Variants in TSHZ3 observed in about 807,000 individuals in gnomAD.
TSHZ3 encodes the protein teashirt zinc finger homeobox 3, also known as teashirt homolog 3.
Under a neutral mutation model 64.5 loss-of-function variants are expected in TSHZ3, and 10 were observed. That is an observed-to-expected ratio of 0.16 (90% confidence interval 0.10 to 0.26). The LOEUF (loss-of-function observed/expected upper bound fraction) is 0.26, where lower values mean the gene tolerates loss of function less well. Ranked by LOEUF, TSHZ3 falls within the 10% of genes least tolerant of loss-of-function variation. The pLI is 1.00. For synonymous variants in TSHZ3, 608 were observed against 593.1 expected (o/e 1.03, Z -0.36); for missense variants, 1,242 against 1,421.7 (o/e 0.87, Z 2.03).
At chr19:31,246,547 C>G (rs1256950028) in intron 1 of TSHZ3, among the ~76,000 whole-genome samples, 1 of 151,814 alleles carries the variant, frequency 6.6e-6, no homozygotes, top group Non-Finnish European at 1.5e-5. Flanking sequence ...AGAATAAGCC[C>G]TAAGGTGCTG....
At chr19:31,314,613 G>A (rs533326292) in intron 1 of TSHZ3, among the ~76,000 whole-genome samples, 13 of 152,194 alleles carry the variant, frequency 8.5e-5, no homozygotes, top group Admixed American at 2.6e-4. Context: ...TGCCAGATTC[G>A]TATTTTGCAA....
rs990596595 is a variant in TSHZ3, at chr19:31,278,411, C to G, written c.1382G>C (p.Ser461Thr). 6.2e-7 allele frequency: 1 copy of G among 1,614,010 alleles called. No individual in the cohort carries two copies. Among genetic ancestry groups the G allele is most frequent in the Non-Finnish European group, 8.5e-7 (1 of 1,180,036 alleles). The change falls in exon 2 of 2, where the codon AGC becomes ACC. Residue 461 changes from serine (S) to threonine (T), a missense_variant. Transcript: ENST00000240587. The surrounding 1 kb of genome is among the most constrained non-coding windows in gnomAD (Gnocchi z 4.7). ...TFTSPSNTPA[S>T]ISPKLNVEVK... Reference sequence around the variant, plus strand: ...CTCCACATTCAGTTTTGGGGAGATGCTGGCAGGTGTATTGGAGGGGGACGT... The same window carrying G: ...CTCCACATTCAGTTTTGGGGAGATGGTGGCAGGTGTATTGGAGGGGGACGT...
At chr19:31,309,805 C>G (rs1183611042) in intron 1 of TSHZ3, among the ~76,000 whole-genome samples, 2 of 152,160 alleles carry the variant, frequency 1.3e-5, no homozygotes, top group African/African-American at 4.8e-5. Context: ...TCTTTCACCC[C>G]CTGGGATGGC....
At chr19:31,305,766 G>A (rs995821557) in intron 1 of TSHZ3, 6 of 152,176 alleles carry the variant, frequency 3.9e-5, no homozygotes, top group African/African-American at 1.4e-4. Context: ...TGACTTTTCA[G>A]AGCAATGTTT....
chr19:31,172,117 C>T (rs1003862579), intron 5 of TSHZ3, among the ~76,000 whole-genome samples: 1 of 152,146 alleles, frequency 6.6e-6, no homozygotes, highest in South Asian at 2.1e-4. Context: ...CATGTCCCAC[C>T]CTCAGCTACC....
intron 1 of TSHZ3, among the ~76,000 whole-genome samples, chr19:31,256,127 C>A (rs1009446283): frequency 6.6e-6 from 1 of 152,164 alleles, no homozygotes; most frequent in Non-Finnish European, 1.5e-5. Flanking sequence ...TTCTCCCCTT[C>A]TGTGAAATGA....
chr19:31,303,818 G>T (rs566233698), intron 1 of TSHZ3, among the ~76,000 whole-genome samples: 1 of 152,262 alleles, frequency 6.6e-6, no homozygotes, highest in South Asian at 2.1e-4. Flanking sequence ...CAGAAAGACG[G>T]ATTTTTTTGC....
chr19:31,187,786 A>G (rs987222749), intron 5 of TSHZ3, among the ~76,000 whole-genome samples: 3 of 152,020 alleles, frequency 2.0e-5, no homozygotes, highest in Non-Finnish European at 4.4e-5. Context: ...CACTTAATCT[A>G]TTTGTCTGTT....
intron 5 of TSHZ3, among the ~76,000 whole-genome samples, chr19:31,201,762 T>C (rs1241720368): frequency 1.3e-5 from 2 of 152,174 alleles, no homozygotes; most frequent in African/African-American, 4.8e-5. Flanking sequence ...AAATAAAAGT[T>C]GGAAATGTCT....
chr19:31,342,504 A>C (rs1917468689), intron 1 of TSHZ3, among the ~76,000 whole-genome samples: 2 of 152,252 alleles, frequency 1.3e-5, no homozygotes, highest in African/African-American at 2.4e-5. Flanking sequence ...ACAAGTCTTT[A>C]CGTATGCAAA....
chr19:31,224,949 G>C (rs1490660875), intron 4 of TSHZ3, among the ~76,000 whole-genome samples: 1 of 152,088 alleles, frequency 6.6e-6, no homozygotes, highest in Non-Finnish European at 1.5e-5. Flanking sequence ...TTTTATGTAC[G>C]GCCTAGAAGC....
At chr19:31,286,819 G>T (rs1054752187) in intron 1 of TSHZ3, among the ~76,000 whole-genome samples, 4 of 152,184 alleles carry the variant, frequency 2.6e-5, no homozygotes, top group African/African-American at 4.8e-5. Flanking sequence ...CTCACCAGTG[G>T]TGTGGCTTTC....
intron 1 of TSHZ3, among the ~76,000 whole-genome samples, chr19:31,332,389 T>C (rs1467882309): frequency 6.6e-6 from 1 of 152,198 alleles, no homozygotes; most frequent in Non-Finnish European, 1.5e-5. Context: ...ACCACGGAGC[T>C]GGTGGGGCTC....
intron 1 of TSHZ3, among the ~76,000 whole-genome samples, chr19:31,297,907 C>T (rs1047784866): frequency 7.9e-5 from 12 of 152,190 alleles, no homozygotes; most frequent in African/African-American, 2.7e-4. Flanking sequence ...CTCACAGGTC[C>T]AGTGGTTATG....
chr19:31,243,555 G>A (rs1975723826), intron 1 of TSHZ3, among the ~76,000 whole-genome samples: 1 of 152,152 alleles, frequency 6.6e-6, no homozygotes, highest in Non-Finnish European at 1.5e-5. Flanking sequence ...CGGCAGGCTG[G>A]TATTATAGTG....
At chr19:31,281,319 G>A (rs1256530353) in intron 1 of TSHZ3, among the ~76,000 whole-genome samples, 2 of 152,126 alleles carry the variant, frequency 1.3e-5, no homozygotes, top group Non-Finnish European at 2.9e-5. Context: ...CAGGACAGGT[G>A]TGATTCTTTT....
At chr19:31,295,365 T>C (rs1976644378) in intron 1 of TSHZ3, among the ~76,000 whole-genome samples, 1 of 152,254 alleles carries the variant, frequency 6.6e-6, no homozygotes, top group Admixed American at 6.5e-5. Context: ...TGATATCCTT[T>C]GATACGCTAT....
chr19:31,192,162 A>G (rs184742060), intron 5 of TSHZ3, among the ~76,000 whole-genome samples: 43 of 152,354 alleles, frequency 2.8e-4, no homozygotes, highest in African/African-American at 9.6e-4. Flanking sequence ...GGCTAAAAAG[A>G]CCATGGAAGA....
chr19:31,247,498 C>T (rs909224579), intron 1 of TSHZ3, among the ~76,000 whole-genome samples: 2 of 152,138 alleles, frequency 1.3e-5, no homozygotes, highest in Non-Finnish European at 2.9e-5. Flanking sequence ...CACACAGTAG[C>T]CAGACTCCAG....
Sources: gnomAD v4.1 joint callset for allele counts (sites outside exome capture counted in the v4.1 genomes callset) on GRCh38, gnomAD v4.1.1 for gene constraint, Gnocchi (gnomAD v3.1) non-coding constraint, MANE v1.5 for transcripts, NCBI Gene and HGNC (gene_info 2026-07-23, HGNC 2026-07-21) for gene names.